Variants in RIMBP2 observed in about 807,000 individuals in gnomAD.
RIMBP2 encodes RIMS-binding protein 2.
In RIMBP2, 48 loss-of-function variants were observed where a neutral mutation model predicts 118.6. The ratio of observed to expected loss-of-function variants is 0.40; its 90% CI spans 0.32 to 0.51. RIMBP2 has a LOEUF of 0.51. Ranked by LOEUF, RIMBP2 falls within the 20% of genes least tolerant of loss-of-function variation. RIMBP2 has a pLI of 0.41. For synonymous variants in RIMBP2, 762 were observed against 742.9 expected (o/e 1.03, Z -0.42); for missense variants, 1,551 against 1,768.3 (o/e 0.88, Z 2.20).
chr12:130,540,483 T>A (rs750989722), intron 2 of RIMBP2, among the ~76,000 whole-genome samples: 1 of 152,164 alleles, frequency 6.6e-6, no homozygotes, highest in African/African-American at 2.4e-5. Flanking sequence ...GTTGCATTTG[T>A]CTTATCTGAG....
intron 2 of RIMBP2, among the ~76,000 whole-genome samples, chr12:130,560,772 C>T (rs1000098911): frequency 6.6e-6 from 1 of 152,212 alleles, no homozygotes; most frequent in African/African-American, 2.4e-5. Context: ...AATATCTCAT[C>T]GTGGCCTCCC....
chr12:130,567,348 T>C (rs568861119), intron 2 of RIMBP2, among the ~76,000 whole-genome samples: 1 of 152,308 alleles, frequency 6.6e-6, no homozygotes, highest in South Asian at 2.1e-4. Flanking sequence ...AACTGATTAC[T>C]AGAAAGGCTG....
chr12:130,573,089 A>C (rs1159809277), intron 2 of RIMBP2, among the ~76,000 whole-genome samples: 1 of 152,200 alleles, frequency 6.6e-6, no homozygotes, highest in Non-Finnish European at 1.5e-5. Flanking sequence ...ACCACAAAGC[A>C]GACATGGCAG....
chr12:130,572,906 T>C (rs1370892618), intron 2 of RIMBP2, among the ~76,000 whole-genome samples: 1 of 152,054 alleles, frequency 6.6e-6, no homozygotes, highest in African/African-American at 2.4e-5. Flanking sequence ...TCAGGAGGGC[T>C]GTGGGAGCTG....
At chr12:130,546,144 C>G (rs2055133744) in intron 2 of RIMBP2, among the ~76,000 whole-genome samples, 1 of 121,170 alleles carries the variant, frequency 8.3e-6, no homozygotes, top group Non-Finnish European at 1.6e-5. Context: ...CACTCTGTTG[C>G]CCAGGCTGGA....
intron 1 of RIMBP2, among the ~76,000 whole-genome samples, chr12:130,713,235 A>AAGGAAGGAAGAT (rs1950073513): frequency 3.4e-5 from 5 of 147,526 alleles, no homozygotes; most frequent in Non-Finnish European, 7.5e-5. Context: ...GGAAGGAAGG[A>AAGGAAGGAAGAT]AGGAAGGAAG....
At chr12:130,437,434 T>G in intron 12 of RIMBP2, 143 bp from the exon 13 acceptor site, 1 of 694,358 alleles carries the variant, frequency 1.4e-6, no homozygotes, top group Non-Finnish European at 2.4e-6. Flanking sequence ...CCGCCAGGTA[T>G]GGAAGCTCCA....
intron 1 of RIMBP2, among the ~76,000 whole-genome samples, chr12:130,680,575 G>A (rs1389506404): frequency 6.6e-6 from 1 of 152,220 alleles, no homozygotes; most frequent in Non-Finnish European, 1.5e-5. Flanking sequence ...ATCACTGCCT[G>A]CTTCTAGGAC....
At chr12:130,502,202 C>A (rs1158106555) in intron 4 of RIMBP2, among the ~76,000 whole-genome samples, 1 of 152,190 alleles carries the variant, frequency 6.6e-6, no homozygotes, top group African/African-American at 2.4e-5. Context: ...ACCGGAGGAG[C>A]TGTTCAGTCC....
intron 19 of RIMBP2, among the ~76,000 whole-genome samples, chr12:130,409,487 C>T (rs1026329098): frequency 2.0e-5 from 3 of 151,920 alleles, no homozygotes; most frequent in African/African-American, 4.8e-5. Context: ...GGACTGCAGG[C>T]GCCCGCCACC....
chr12:130,677,148 G>T (rs1028376947), intron 1 of RIMBP2, among the ~76,000 whole-genome samples: 2 of 152,128 alleles, frequency 1.3e-5, no homozygotes, highest in African/African-American at 2.4e-5. Context: ...GGTGCTGTTG[G>T]CATCTGGTGG....
rs947787719 is a variant in RIMBP2, at chr12:130,475,871, C to G, written c.102+3041G>C. Among the ~76,000 whole-genome samples the G allele has an allele frequency of 2.0e-5, 3 of 152,006 alleles. No individual in the cohort carries two copies. In the East Asian group the frequency reaches 5.8e-4, roughly 29 times the overall value. ...GTGTTGGTGAGGACAGAGGGGAGTTCTGTGTGGGACGTGGCGTCCGAGGCC... is the reference window on the plus strand; with the variant it reads ...GTGTTGGTGAGGACAGAGGGGAGTTGTGTGTGGGACGTGGCGTCCGAGGCC... On this transcript the variant is annotated intron_variant, in intron 5 of 22. Coordinates refer to ENST00000690449, the MANE Select transcript of RIMBP2 (RefSeq NM_001393629.1). This position sits in a 1 kb window ranked among gnomAD's most constrained non-coding sequence, Gnocchi z 4.1.
chr12:130,627,581 C>T lies in RIMBP2; in HGVS notation c.-217+741G>A, dbSNP rs563415899. 8.5e-5 allele frequency among the ~76,000 whole-genome samples: 13 copies of T among 152,290 alleles called. No homozygotes were observed. In the South Asian group the frequency reaches 1.9e-3, roughly 22 times the overall value. On this transcript the variant is annotated intron_variant, in intron 2 of 22. Coordinates refer to ENST00000690449, the MANE Select transcript of RIMBP2 (RefSeq NM_001393629.1). ...GTAACTCAAACTCAAAACTGGGCTT[C>T]GGCGCAAACCTGAATGTGAATCTCC...
rs12315966 is a variant in RIMBP2, at chr12:130,412,605, G to A, written c.3589+14C>T. On this transcript the variant is annotated intron_variant, in intron 19 of 22. Transcript: ENST00000690449. The stretch of plus-strand genomic sequence containing the variant: ...AAAATGCACAGGGAAGGTCGAATAG[G>A]GGTTTGCGCTTACCTATTTTCTCCA... The A allele has an allele frequency of 3.1e-6, 5 of 1,611,044 alleles. No individual in the cohort carries two copies. In the South Asian group the frequency reaches 4.4e-5, roughly 14 times the overall value.
Position 130,523,417 on chromosome 12 carries a change from G to A in RIMBP2, c.-216-5500C>T, listed in dbSNP as rs1482586585. On this transcript the variant is annotated intron_variant, in intron 2 of 22. Coordinates refer to ENST00000690449, the MANE Select transcript of RIMBP2 (RefSeq NM_001393629.1). The surrounding 1 kb of genome is among the most constrained non-coding windows in gnomAD (Gnocchi z 4.4). ...TGCCCGGTCTGTGGGATCCTGCTAT[G>A]GCAGCCTGAGCTAGTGTATAGCCTC... is the stretch of plus-strand genomic sequence containing the variant. 4.6e-5 allele frequency among the ~76,000 whole-genome samples: 7 copies of A among 152,194 alleles called. No homozygotes were observed. Among genetic ancestry groups the A allele is most frequent in the African/African-American group, 1.4e-4 (6 of 41,440 alleles).
intron 2 of RIMBP2, among the ~76,000 whole-genome samples, chr12:130,537,734 T>A (rs149471048): frequency 6.0e-4 from 92 of 152,324 alleles, no homozygotes; most frequent in African/African-American, 2.1e-3. Context: ...CTATCATAAA[T>A]TCATCAGCCC....
rs1269020006 is a variant in RIMBP2 at position 130,399,717 on chromosome 12, A to G, written c.3862T>C (p.Tyr1288His). 1.2e-6 allele frequency: 2 copies of G among 1,614,232 alleles called. No individual in the cohort carries two copies. The highest frequency in any genetic ancestry group is 1.7e-5 in the Admixed American group (1 of 60,028). ...EVYLSDAPSH[Y>H]SQDTPMRSKA... ...GAGCGCATTGGCGTATCTTGAGAGT[A>G]GTGGGATGGAGCATCAGAAAGATAG... Residue 1288 changes from tyrosine (Y) to histidine (H), a missense_variant, in exon 22 of 23, where the codon TAC becomes CAC. Tyr to His is a moderately conservative substitution (Grantham distance 83). Coordinates refer to ENST00000690449, the MANE Select transcript of RIMBP2 (RefSeq NM_001393629.1).
intron 2 of RIMBP2, among the ~76,000 whole-genome samples, chr12:130,599,137 T>TA (rs1307849717): frequency 6.6e-6 from 1 of 152,180 alleles, no homozygotes; most frequent in Non-Finnish European, 1.5e-5. Context: ...TCATATGCAA[T>TA]AAGTAAACCC....
chr12:130,509,177 T>C (rs1464942096), intron 3 of RIMBP2, among the ~76,000 whole-genome samples: 2 of 152,084 alleles, frequency 1.3e-5, no homozygotes, highest in Non-Finnish European at 2.9e-5. Context: ...CCTTCCCTAA[T>C]TGATTAGGGC....
Sources: allele counts gnomAD v4.1 joint callset (sites outside exome capture counted in the v4.1 genomes callset), GRCh38; gene constraint gnomAD v4.1.1; non-coding constraint Gnocchi (gnomAD v3.1); transcripts MANE v1.5; gene names NCBI Gene and HGNC (gene_info 2026-07-23, HGNC 2026-07-21).